RHOU: variants seen among roughly 807,000 people sequenced by gnomAD.
RHOU encodes ras homolog family member U.
RHOU carries 8 observed loss-of-function variants against 12.6 expected under a neutral mutation model. The ratio of observed to expected loss-of-function variants is 0.64; its 90% CI spans 0.37 to 1.15. The LOEUF is 1.15. Among genes scored for constraint, RHOU ranks in the 50% most tolerant of loss-of-function variants. RHOU has a pLI of 0.01. For synonymous variants in RHOU, 161 were observed against 147.4 expected, an observed-to-expected ratio of 1.09 and a Z score of -0.67; for missense variants, 258 against 347.0, an observed-to-expected ratio of 0.74 and a Z score of 2.04.
At chr1:228,647,482 A>T in the RHOU span, among the ~76,000 whole-genome samples, 1 of 152,218 alleles carries the variant, frequency 6.6e-6, no homozygotes, top group South Asian at 2.1e-4. Flanking sequence ...TGGTTGGCGA[A>T]GCAATGTCCT....
chr1:228,656,771 G>A, the RHOU span, among the ~76,000 whole-genome samples: 2 of 152,054 alleles, frequency 1.3e-5, no homozygotes, highest in Admixed American at 6.6e-5. Context: ...CAGAAAATGA[G>A]GGGAAAAACT....
the RHOU span, among the ~76,000 whole-genome samples, chr1:228,653,298 G>A: frequency 4.6e-5 from 7 of 152,146 alleles, no homozygotes; most frequent in African/African-American, 1.7e-4. Context: ...TGGGAGTCAG[G>A]CTGGTGCCAT....
At position 228,743,630 on chromosome 1, in the gene RHOU, A is replaced by T. The variant is rs892902336; in HGVS notation, c.667A>T (p.Ile223Phe). 1.2e-6 allele frequency: 2 copies of T among 1,614,116 alleles called. No homozygotes were observed. Among genetic ancestry groups the T allele is most frequent in the African/African-American group, 1.3e-5 (1 of 74,938 alleles). Residue 223 changes from isoleucine (I) to phenylalanine (F), a missense_variant, in exon 3 of 3, where the codon ATT becomes TTT. By Grantham distance (21) the Ile-to-Phe change is conservative (BLOSUM62 0). Coordinates refer to ENST00000366691, the MANE Select transcript of RHOU (RefSeq NM_021205.6). This position sits in a 1 kb window ranked among gnomAD's most constrained non-coding sequence, Gnocchi z 5.1. ...CTTTGATGCAGCCATCGTCGCTGGCATTCAATACTCGGACACTCAGCAACA... is the reference window on the plus strand; with the variant it reads ...CTTTGATGCAGCCATCGTCGCTGGCTTTCAATACTCGGACACTCAGCAACA... ...EVFDAAIVAG[I>F]QYSDTQQQPK...
chr1:228,665,855 C>T, the RHOU span, among the ~76,000 whole-genome samples: 3 of 152,228 alleles, frequency 2.0e-5, no homozygotes, highest in African/African-American at 7.2e-5. Flanking sequence ...GAAAGCAGTC[C>T]CTCCAGGGTC....
the RHOU span, among the ~76,000 whole-genome samples, chr1:228,668,013 G>A: frequency 6.6e-6 from 1 of 152,148 alleles, no homozygotes; most frequent in African/African-American, 2.4e-5. Flanking sequence ...TGCCAAGATA[G>A]CTTTAGGATG....
the RHOU span, among the ~76,000 whole-genome samples, chr1:228,716,486 G>A: frequency 6.6e-6 from 1 of 152,098 alleles, no homozygotes; most frequent in Non-Finnish European, 1.5e-5. Context: ...CTTCCCTCAG[G>A]CAGCTCACCA....
At chr1:228,739,432 C>T (rs1316320539) in intron 2 of RHOU, among the ~76,000 whole-genome samples, 10 of 152,080 alleles carry the variant, frequency 6.6e-5, no homozygotes, top group Admixed American at 3.3e-4. Context: ...GGTGTGGTGC[C>T]GGGCGCCTGT....
In RHOU at chr1:228,746,333, CT is replaced by C. The variant is rs1386854107; in HGVS notation, c.*2596del. The C allele has an allele frequency of 1.3e-5, 2 of 152,164 alleles. No individual in the cohort carries two copies. Among genetic ancestry groups the C allele is most frequent in the Non-Finnish European group, 2.9e-5 (2 of 68,026 alleles). The allele number at this position is 152,164 out of a possible 1,614,324, so 9.4% of individuals were successfully genotyped here. A position where few individuals can be genotyped will look rare whatever the true frequency, so the allele number is the denominator to read the frequency against. On this transcript the variant is annotated 3_prime_UTR_variant, in exon 3 of 3. Coordinates refer to ENST00000366691, the MANE Select transcript of RHOU (RefSeq NM_021205.6). Reference sequence around the variant, plus strand: ...CAGAGAAGATTTTATAAGAATTTTGCTTTAGAGAATGCCACTTTGGCTGAAC... The same window carrying C: ...CAGAGAAGATTTTATAAGAATTTTGCTTAGAGAATGCCACTTTGGCTGAAC...
the RHOU span, among the ~76,000 whole-genome samples, chr1:228,648,203 G>T: frequency 6.6e-6 from 1 of 152,228 alleles, no homozygotes; most frequent in Non-Finnish European, 1.5e-5. Flanking sequence ...GTTGCCCGCC[G>T]CCTTGCGCCT....
At chr1:228,702,799 A>C in the RHOU span, among the ~76,000 whole-genome samples, 1 of 152,238 alleles carries the variant, frequency 6.6e-6, no homozygotes, top group Non-Finnish European at 1.5e-5. Context: ...ATACACATAT[A>C]GACATATAGA....
At chr1:228,719,505 G>A in the RHOU span, among the ~76,000 whole-genome samples, 1 of 152,188 alleles carries the variant, frequency 6.6e-6, no homozygotes, top group South Asian at 2.1e-4. Context: ...TGAGGTTGGT[G>A]AATCACTTGA....
chr1:228,713,957 CT>C, the RHOU span, among the ~76,000 whole-genome samples: 2,951 of 152,224 alleles, frequency 0.019, 102 homozygotes, highest in African/African-American at 0.067. Flanking sequence ...TGGAAGTCTT[CT>C]GTGTTGATTG....
In RHOU at chr1:228,736,696, C is replaced by T. The variant is rs988841276; in HGVS notation, c.262+692C>T. Among the ~76,000 whole-genome samples the T allele has an allele frequency of 3.3e-5, 5 of 152,122 alleles. 1 individual carries two copies. Among genetic ancestry groups the T allele is most frequent in the African/African-American group, 1.2e-4 (5 of 41,400 alleles). The stretch of plus-strand genomic sequence containing the variant: ...TTAAGCTACTTAAAGCTCCTATGTA[C>T]CGGGTGCGATGCCATTTCCCTTGGT... On this transcript the variant is annotated intron_variant, in intron 1 of 2. Coordinates refer to ENST00000366691, the MANE Select transcript of RHOU (RefSeq NM_021205.6).
the RHOU span, among the ~76,000 whole-genome samples, chr1:228,694,959 T>C: frequency 6.6e-6 from 1 of 152,134 alleles, no homozygotes; most frequent in Non-Finnish European, 1.5e-5. Flanking sequence ...TAAATGATAA[T>C]GAATAGGTTT....
At chr1:228,650,627 CCTT>C in the RHOU span, 2 of 449,338 alleles carry the variant, frequency 4.5e-6, no homozygotes, top group African/African-American at 4.1e-5. Context: ...GGATATGAGA[CCTT>C]CTTCCAGGGT....
chr1:228,679,612 A>G, the RHOU span, among the ~76,000 whole-genome samples: 1 of 152,076 alleles, frequency 6.6e-6, no homozygotes, highest in Non-Finnish European at 1.5e-5. Flanking sequence ...GTTTTTGGAC[A>G]GGTAAAATGG....
At chr1:228,683,397 C>A in the RHOU span, among the ~76,000 whole-genome samples, 1 of 152,170 alleles carries the variant, frequency 6.6e-6, no homozygotes, top group Non-Finnish European at 1.5e-5. Flanking sequence ...TAGCCAAATA[C>A]ATCGATGGAG....
At chr1:228,693,008 C>T in the RHOU span, among the ~76,000 whole-genome samples, 2 of 152,086 alleles carry the variant, frequency 1.3e-5, no homozygotes, top group Admixed American at 1.3e-4. Context: ...TGCCCAAAAC[C>T]GTACTGTGAG....
chr1:228,669,109 A>C, the RHOU span, among the ~76,000 whole-genome samples: 1 of 152,218 alleles, frequency 6.6e-6, no homozygotes, highest in South Asian at 2.1e-4. Flanking sequence ...GGCAGGCAAC[A>C]GGTGTTTTCT....
Sources: allele counts gnomAD v4.1 joint callset (sites outside exome capture counted in the v4.1 genomes callset), GRCh38; gene constraint gnomAD v4.1.1; non-coding constraint Gnocchi (gnomAD v3.1); transcripts MANE v1.5; gene names NCBI Gene and HGNC (gene_info 2026-07-23, HGNC 2026-07-21).